DHX16: variants seen among roughly 807,000 people sequenced by gnomAD.
DHX16 encodes the protein DEAH-box helicase 16.
In DHX16, 81 loss-of-function variants were observed where a neutral mutation model predicts 131.2. The observed-to-expected ratio is 0.62, with a 90% CI of 0.52 to 0.74. The LOEUF (loss-of-function observed/expected upper bound fraction) is 0.74, where lower values mean the gene tolerates loss of function less well. Ranked by LOEUF, DHX16 falls within the 30% of genes least tolerant of loss-of-function variation. The pLI is 0.00. For synonymous variants in DHX16, 440 were observed against 520.2 expected (o/e 0.85, Z 2.10); for missense variants, 980 against 1,363.1 (o/e 0.72, Z 4.43).
Position 30,662,356 on chromosome 6 carries a change from G to A in DHX16, c.1544+271C>T, listed in dbSNP as rs1768589927. 6.6e-6 allele frequency among the ~76,000 whole-genome samples: 1 copy of A among 152,198 alleles called. No homozygotes were observed. Among genetic ancestry groups the A allele is most frequent in the African/African-American group, 2.4e-5 (1 of 41,452 alleles). The stretch of plus-strand genomic sequence containing the variant: ...TCTCCCTCTGAGCTGAGCATTCCAA[G>A]TGTTTTCAAATGGTCTTCACACGGT... On this transcript the variant is annotated intron_variant, in intron 9 of 19. Transcript: ENST00000376442. The surrounding 1 kb of genome is among the most constrained non-coding windows in gnomAD (Gnocchi z 4.7).
At position 30,670,525 on chromosome 6, in the gene DHX16, T is replaced by A; in HGVS notation, c.610-59A>T. 3 of 1,542,268 alleles carry A rather than the reference T, an allele frequency of 1.9e-6. No homozygotes were observed. The highest frequency in any genetic ancestry group is 2.7e-6 in the Non-Finnish European group (3 of 1,126,036). ...GCCAAAGAGCCCCCACACTGACAGC[T>A]GCTCCCCTCTAGAATCACAAGGATC... On this transcript the variant is annotated intron_variant, in intron 3 of 19. Transcript: ENST00000376442. This position sits in a 1 kb window ranked among gnomAD's most constrained non-coding sequence, Gnocchi z 4.4.
chr6:30,660,241 C>G lies in DHX16; in HGVS notation c.1546G>C (p.Val516Leu), dbSNP rs778527121. The change falls in exon 10 of 20, where the codon GTG (valine) becomes CTG (leucine). Residue 516 changes from valine to leucine, a missense_variant and splice_region_variant. Physicochemically the swap from Val to Leu is conservative, Grantham distance 32 (BLOSUM62 1). Transcript: ENST00000376442. ...TCGTGTGCCTCATCCACCATCACCA[C>G]GCTGGGGAGGGAATAGGAGAGCAAT... ...LSEPDLASYS[V>L]VMVDEAHERT... is the part of the protein sequence containing the mutation. 1.3e-6 allele frequency: 2 copies of G among 1,525,974 alleles called. No homozygotes were observed. Among genetic ancestry groups the G allele is most frequent in the East Asian group, 4.6e-5 (2 of 43,894 alleles). The allele number at this position is 1,525,974 out of a possible 1,614,324, so 94.5% of individuals were successfully genotyped here. A position where few individuals can be genotyped will look rare whatever the true frequency, so the allele number is the denominator to read the frequency against.
rs146265602 is a variant in DHX16, at chr6:30,654,817, C to A, written c.2886G>T (p.Val962=). 8.6e-5 allele frequency: 138 copies of A among 1,612,918 alleles called. No homozygotes were observed. The highest frequency in any genetic ancestry group is 1.1e-4 in the Non-Finnish European group (131 of 1,180,044). ...GAATGAAGACTGTCTGCTGCTGTTT[C>A]ACTGTGCGGTAGCCACTCCGAGTCA... ...ARLTRSGYRT[V]KQQQTVFIHP... Residue 962 remains valine (V), a synonymous_variant, in exon 19 of 20, where the codon GTG becomes GTT. Transcript: ENST00000376442.
chr6:30,661,859 G>A, intron 9 of DHX16: 1 of 717,978 alleles, frequency 1.4e-6, no homozygotes. Context: ...CTCTCCATGG[G>A]TTCTTAGAGA....
rs150906501 is a variant in DHX16 at position 30,672,195 on chromosome 6, C to T, written c.207+440G>A. 7.8e-3 allele frequency among the ~76,000 whole-genome samples: 1,188 copies of T among 151,522 alleles called. 12 individuals are homozygous for T. The highest frequency in any genetic ancestry group is 0.025 in the African/African-American group (1,048 of 41,328). Reference sequence around the variant, plus strand: ...TTAGCCGGGGGTGGTGGCGCGCGCCCGTAGTCCCAGCTACCGGGGAAGATG... The same window carrying T: ...TTAGCCGGGGGTGGTGGCGCGCGCCTGTAGTCCCAGCTACCGGGGAAGATG... On this transcript the variant is annotated intron_variant, in intron 1 of 19. Coordinates refer to ENST00000376442, the MANE Select transcript of DHX16 (RefSeq NM_003587.5).
At chr6:30,667,141 G>A (rs1037119495) in intron 4 of DHX16, among the ~76,000 whole-genome samples, 1 of 152,060 alleles carries the variant, frequency 6.6e-6, no homozygotes, top group Non-Finnish European at 1.5e-5. Context: ...TACAGCAAAC[G>A]CCTTACTCTA....
chr6:30,658,997 A>G (rs1453078527), intron 12 of DHX16, among the ~76,000 whole-genome samples: 1 of 151,990 alleles, frequency 6.6e-6, no homozygotes, highest in African/African-American at 2.4e-5. Flanking sequence ...AGCGATTCTC[A>G]TGACTCAGCC....
chr6:30,671,017 C>T lies in DHX16; in HGVS notation c.446+19G>A, dbSNP rs1255257109. ...CACTTCAGCCTGCCCCATCCTCTCT[C>T]ACCCTGCTTCTGACTTACCCTGTTT... On this transcript the variant is annotated intron_variant, in intron 2 of 19. Transcript: ENST00000376442. 1 of 1,613,044 alleles carries T rather than the reference C, an allele frequency of 6.2e-7. No individual in the cohort carries two copies. Among genetic ancestry groups the T allele is most frequent in the Admixed American group, 1.7e-5 (1 of 60,022 alleles).
chr6:30,658,807 C>T (rs924379845), intron 12 of DHX16, among the ~76,000 whole-genome samples: 5 of 152,186 alleles, frequency 3.3e-5, no homozygotes, highest in Non-Finnish European at 7.3e-5. Flanking sequence ...CCTACTCCTT[C>T]ACCACATGAA....
chr6:30,672,571 G>T, intron 1 of DHX16, 64 bp downstream of exon 1: 2 of 1,432,088 alleles, frequency 1.4e-6, no homozygotes, highest in East Asian at 2.3e-5. Context: ...TTAACTTCTC[G>T]ATGGACCGTT....
chr6:30,656,325 C>G lies in DHX16; in HGVS notation c.2431-60G>C. ...TCCCTCAGGTTTCCCGCTACTACTA[C>G]AGGGGTCCCTGGAGCCATCCTGACC... On this transcript the variant is annotated intron_variant, in intron 15 of 19. Transcript: ENST00000376442. This position sits in a 1 kb window ranked among gnomAD's most constrained non-coding sequence, Gnocchi z 5.1. 2.5e-6 allele frequency: 4 copies of G among 1,610,130 alleles called. No individual in the cohort carries two copies. Among genetic ancestry groups the G allele is most frequent in the Non-Finnish European group, 3.4e-6 (4 of 1,176,588 alleles).
chr6:30,659,723 C>T lies in DHX16; in HGVS notation c.1854+13G>A. On this transcript the variant is annotated intron_variant, in intron 11 of 19. Transcript: ENST00000376442. ...TGGGATACATCATCCCCTCTCCCCA[C>T]CATGTCAGGCACCTGTCCTGTCAGG... is the stretch of plus-strand genomic sequence containing the variant. 6.2e-7 allele frequency: 1 copy of T among 1,613,636 alleles called. No individual in the cohort carries two copies. The highest frequency in any genetic ancestry group is 8.5e-7 in the Non-Finnish European group (1 of 1,179,700).
Position 30,659,548 on chromosome 6 carries a change from A to G in DHX16, c.1931T>C (p.Val644Ala), listed in dbSNP as rs188172318. 5.0e-4 allele frequency: 807 copies of G among 1,612,204 alleles called. 12 individuals carry two copies. The East Asian group carries it at 0.017, about 34-fold the overall frequency. ...RLGSKIRELLVLPIYANLPSD... is the reference protein window; with the variant it reads ...RLGSKIRELLALPIYANLPSD... ...GGGCAGATTGGCATAAATGGGCAGC[A>G]CCAGGAGCTCCCGGATTTTGGAGCC... is the stretch of plus-strand genomic sequence containing the variant. Residue 644 changes from valine to alanine, a missense_variant, in exon 12 of 20, where the codon GTG (valine) becomes GCG (alanine). Physicochemically the swap from Val to Ala is moderately conservative, Grantham distance 64. Coordinates refer to ENST00000376442, the MANE Select transcript of DHX16 (RefSeq NM_003587.5).
chr6:30,672,257 T>A (rs938583660), intron 1 of DHX16, among the ~76,000 whole-genome samples: 2 of 150,862 alleles, frequency 1.3e-5, no homozygotes, highest in African/African-American at 4.9e-5. Flanking sequence ...AGGTCGACGC[T>A]GTAGTGAGCC....
chr6:30,659,654 G>A (rs1379445007), intron 11 of DHX16, 30 bp from the exon 12 acceptor site: 1 of 1,613,594 alleles, frequency 6.2e-7, no homozygotes, highest in South Asian at 1.1e-5. Context: ...AGCAGCAGGG[G>A]TCCCAGAGTC....
chr6:30,660,836 C>T (rs1256399635), intron 9 of DHX16, among the ~76,000 whole-genome samples: 8 of 151,174 alleles, frequency 5.3e-5, no homozygotes, highest in African/African-American at 9.7e-5. Context: ...GAGCCAAGAT[C>T]GTGCCACTGC....
At chr6:30,658,280 C>T (rs1371691061) in intron 12 of DHX16, among the ~76,000 whole-genome samples, 6 of 152,094 alleles carry the variant, frequency 3.9e-5, no homozygotes, top group East Asian at 1.9e-4. Flanking sequence ...TGGTGGCTCA[C>T]GCCTATAATC....
chr6:30,667,152 A>G (rs568591940), intron 4 of DHX16, among the ~76,000 whole-genome samples: 1 of 152,350 alleles, frequency 6.6e-6, no homozygotes, highest in South Asian at 2.1e-4. Context: ...CCTTACTCTA[A>G]AAATTCGTAT....
chr6:30,662,504 C>T lies in DHX16; in HGVS notation c.1544+123G>A, dbSNP rs922032160. 3 of 760,568 alleles carry T rather than the reference C, an allele frequency of 3.9e-6. No individual in the cohort carries two copies. The African/African-American group carries it at 5.2e-5, about 13-fold the overall frequency. 47.1% of individuals were successfully genotyped at this position (760,568 alleles called of 1,614,324 possible). ...TCCTCCAGCCCCATCTCCGTGGTAC[C>T]TGGAGGTCAGTTCAAGGACCATTTG... On this transcript the variant is annotated intron_variant, in intron 9 of 19. Transcript: ENST00000376442. The surrounding 1 kb of genome is among the most constrained non-coding windows in gnomAD (Gnocchi z 4.7).
Sources: allele counts gnomAD v4.1 joint callset (sites outside exome capture counted in the v4.1 genomes callset), GRCh38; gene constraint gnomAD v4.1.1; non-coding constraint Gnocchi (gnomAD v3.1); transcripts MANE v1.5; gene names NCBI Gene and HGNC (gene_info 2026-07-23, HGNC 2026-07-21).